Variants in GRM5 observed in about 807,000 individuals in gnomAD.
GRM5 encodes metabotropic glutamate receptor 5.
In GRM5, 19 loss-of-function variants were observed where a neutral mutation model predicts 83.1. The ratio of observed to expected loss-of-function variants is 0.23; its 90% CI spans 0.16 to 0.34. GRM5 has a LOEUF of 0.34. Ranked by LOEUF, GRM5 falls within the 10% of genes least tolerant of loss-of-function variation. The pLI is 1.00. For synonymous variants in GRM5, 675 were observed against 633.6 expected (o/e 1.07, Z -0.98); for missense variants, 1,160 against 1,588.3 (o/e 0.73, Z 4.58).
Position 88,947,520 on chromosome 11 carries a change from T to C in GRM5, c.662-97365A>G, listed in dbSNP as rs540821745. Among the ~76,000 whole-genome samples the C allele has an allele frequency of 2.6e-5, 4 of 151,734 alleles. No homozygotes were observed. In the South Asian group the frequency reaches 8.3e-4, roughly 32 times the overall value. On this transcript the variant is annotated intron_variant, in intron 2 of 9. Transcript: ENST00000305447. ...AAAACGTGTTCTTTTTACCATTGCG[T>C]CCTTGCATTGTTAGTTTTTTTTTTT...
intron 3 of GRM5, among the ~76,000 whole-genome samples, chr11:88,752,503 A>G (rs1942301067): frequency 6.6e-6 from 1 of 152,258 alleles, no homozygotes; most frequent in Non-Finnish European, 1.5e-5. Flanking sequence ...GGAATAATCA[A>G]TATTGTGAAA....
intron 1 of GRM5, among the ~76,000 whole-genome samples, chr11:89,052,386 G>A (rs1941779662): frequency 6.6e-6 from 1 of 152,152 alleles, no homozygotes; most frequent in South Asian, 2.1e-4. Context: ...AACCCAAAAA[G>A]TAAGATAAAG....
intron 3 of GRM5, among the ~76,000 whole-genome samples, chr11:88,808,636 T>G (rs1943538669): frequency 6.6e-6 from 1 of 151,986 alleles, no homozygotes; most frequent in South Asian, 2.1e-4. Flanking sequence ...CATATGACAC[T>G]TCTCAGTGTC....
chr11:89,005,097 A>T (rs1940488766), intron 2 of GRM5, among the ~76,000 whole-genome samples: 1 of 152,212 alleles, frequency 6.6e-6, no homozygotes, highest in Admixed American at 6.5e-5. Context: ...AGCAGGACCA[A>T]CTTAGCAAAA....
intron 2 of GRM5, among the ~76,000 whole-genome samples, chr11:88,921,918 C>CAA (rs59956434): frequency 0.04 from 6,036 of 149,734 alleles, 193 homozygotes; most frequent in African/African-American, 0.079. Context: ...AATAAAAATA[C>CAA]AAAAAAAACC....
chr11:88,642,613 A>G (rs754189480), intron 4 of GRM5, among the ~76,000 whole-genome samples: 1 of 152,192 alleles, frequency 6.6e-6, no homozygotes, highest in Non-Finnish European at 1.5e-5. Flanking sequence ...ACATCTGAGC[A>G]CAGACAGATA....
chr11:88,847,374 A>C (rs1312505955), intron 3 of GRM5, among the ~76,000 whole-genome samples: 2 of 152,226 alleles, frequency 1.3e-5, no homozygotes, highest in Non-Finnish European at 2.9e-5. Flanking sequence ...TAATGATTAA[A>C]TGAAACAATA....
At chr11:88,924,821 C>T (rs767231981) in intron 2 of GRM5, among the ~76,000 whole-genome samples, 13 of 151,856 alleles carry the variant, frequency 8.6e-5, no homozygotes, top group East Asian at 1.9e-4. Flanking sequence ...ATTTTAGGAA[C>T]TCTCACCACA....
At chr11:88,628,339 A>G (rs1938863688) in intron 4 of GRM5, among the ~76,000 whole-genome samples, 1 of 152,248 alleles carries the variant, frequency 6.6e-6, no homozygotes, top group Non-Finnish European at 1.5e-5. Flanking sequence ...TCTTAAAACC[A>G]GTTCAGAATC....
intron 2 of GRM5, among the ~76,000 whole-genome samples, chr11:88,924,131 A>G (rs1459894061): frequency 1.1e-4 from 3 of 27,688 alleles, no homozygotes; most frequent in Non-Finnish European, 2.0e-4. Flanking sequence ...GTATAGCTAT[A>G]ATCAAAAAAA....
intron 9 of GRM5, among the ~76,000 whole-genome samples, chr11:88,517,269 G>T (rs1941546116): frequency 6.6e-6 from 1 of 151,938 alleles, no homozygotes. Flanking sequence ...GATTAGAGAG[G>T]TTCAAAGAAC....
intron 3 of GRM5, among the ~76,000 whole-genome samples, chr11:88,837,293 C>G (rs1053938697): frequency 6.6e-6 from 1 of 152,162 alleles, no homozygotes; most frequent in Non-Finnish European, 1.5e-5. Context: ...TACAGGTTAT[C>G]TTCTAATATC....
chr11:88,807,072 G>T (rs1943511255), intron 3 of GRM5, among the ~76,000 whole-genome samples: 1 of 152,082 alleles, frequency 6.6e-6, no homozygotes, highest in Non-Finnish European at 1.5e-5. Flanking sequence ...CAAATTATCT[G>T]TTGACATGGA....
intron 3 of GRM5, among the ~76,000 whole-genome samples, chr11:88,778,765 C>T (rs10765767): frequency 0.72 from 109,884 of 152,148 alleles, 40,096 homozygotes; most frequent in African/African-American, 0.75. Context: ...CAGGTCCTGT[C>T]TTTAAGTGAT....
intron 2 of GRM5, among the ~76,000 whole-genome samples, chr11:89,014,263 A>C (rs1840001258): frequency 6.6e-6 from 1 of 152,212 alleles, no homozygotes; most frequent in East Asian, 1.9e-4. Flanking sequence ...CTACTTAAGG[A>C]AAGAAAATTG....
chr11:88,861,591 G>A (rs929679223), intron 2 of GRM5, among the ~76,000 whole-genome samples: 6 of 151,860 alleles, frequency 4.0e-5, no homozygotes, highest in Admixed American at 2.0e-4. Context: ...TCAGCCTCCC[G>A]GTTAGCTGGG....
chr11:88,870,081 A>G (rs1565269549), intron 2 of GRM5, among the ~76,000 whole-genome samples: 2 of 151,630 alleles, frequency 1.3e-5, no homozygotes, highest in Admixed American at 6.6e-5. Context: ...AGAAAAGAAG[A>G]AATACTTCAC....
intron 3 of GRM5, among the ~76,000 whole-genome samples, chr11:88,765,616 T>C (rs1439887987): frequency 2.6e-5 from 4 of 151,648 alleles, no homozygotes; most frequent in East Asian, 1.9e-4. Flanking sequence ...CAACAAATGA[T>C]GCTTGGATAA....
chr11:89,032,073 T>C (rs1314019729), intron 2 of GRM5, among the ~76,000 whole-genome samples: 5 of 152,102 alleles, frequency 3.3e-5, no homozygotes, highest in Non-Finnish European at 2.9e-5. Flanking sequence ...TATTTTATGT[T>C]TGTTTACCAT....
Sources: gnomAD v4.1 joint callset for allele counts (sites outside exome capture counted in the v4.1 genomes callset) on GRCh38, gnomAD v4.1.1 for gene constraint, MANE v1.5 for transcripts, NCBI Gene and HGNC (gene_info 2026-07-23, HGNC 2026-07-21) for gene names.